The following CPNE2 variants were observed in gnomAD, a reference collection of about 807,000 sequenced individuals.
CPNE2 encodes the protein copine-2.
In CPNE2, 42 loss-of-function variants were observed where a neutral mutation model predicts 69.7. The observed-to-expected ratio is 0.60, with a 90% CI of 0.47 to 0.78. The LOEUF (loss-of-function observed/expected upper bound fraction) is 0.78, where lower values mean the gene tolerates loss of function less well. Among genes scored for constraint, CPNE2 ranks in the 30% least tolerant of loss-of-function variants. The probability of loss-of-function intolerance (pLI) is 0.00; values close to 1 mark genes in which losing one functional copy is unlikely to be tolerated. For missense variants in CPNE2, 587 were observed against 732.0 expected, an observed-to-expected ratio of 0.80 and a Z score of 2.29; for synonymous variants, 294 against 289.8, an observed-to-expected ratio of 1.01 and a Z score of -0.15.
Position 57,123,277 on chromosome 16 carries a change from G to C in CPNE2, c.868-137G>C, listed in dbSNP as rs1276889903. 8 of 833,078 alleles carry C rather than the reference G, an allele frequency of 9.6e-6. No individual in the cohort carries two copies. In the African/African-American group the frequency reaches 1.3e-4, roughly 14 times the overall value. 51.6% of individuals were successfully genotyped at this position (833,078 alleles called of 1,614,324 possible). On this transcript the variant is annotated intron_variant, in intron 9 of 15. Coordinates refer to ENST00000290776, the MANE Select transcript of CPNE2 (RefSeq NM_152727.6). ...TTTGTTATAGAGAGATTTGGGTTTT[G>C]TTGTAATTAGATCAGGCCCATCAGC...
At chr16:57,127,323 G>C (rs1209429431) in intron 11 of CPNE2, among the ~76,000 whole-genome samples, 1 of 152,220 alleles carries the variant, frequency 6.6e-6, no homozygotes, top group Non-Finnish European at 1.5e-5. Context: ...GGTACCCTAT[G>C]TGTTTGGGGA....
intron 1 of CPNE2, among the ~76,000 whole-genome samples, chr16:57,103,924 G>C (rs1431203897): frequency 6.6e-6 from 1 of 152,072 alleles, no homozygotes; most frequent in African/African-American, 2.4e-5. Context: ...GTTGTTTTTT[G>C]TTTTTGTTTT....
In CPNE2 at chr16:57,110,901, G is replaced by C. The variant is rs77751419; in HGVS notation, c.159G>C (p.Glu53Asp). The C allele has an allele frequency of 1.5e-3, 2,403 of 1,611,874 alleles. 36 individuals are homozygous for C. In the African/African-American group the frequency reaches 0.028, roughly 19 times the overall value. Residue 53 changes from glutamate (E) to aspartate (D), a missense_variant, in exon 2 of 16, where the codon GAG (glutamate) becomes GAC (aspartate). Glu to Asp is a conservative substitution (Grantham distance 45). Coordinates refer to ENST00000290776, the MANE Select transcript of CPNE2 (RefSeq NM_152727.6). Reference protein sequence around the residue: ...KSDPFCVLFTENNGRWIEYDR... With the variant: ...KSDPFCVLFTDNNGRWIEYDR... ...ACCCCTTCTGTGTCCTCTTTACAGA[G>C]AACAATGGCAGATGGATCGAGGTGA...
At chr16:57,131,127 C>G (rs2069835697) in intron 12 of CPNE2, among the ~76,000 whole-genome samples, 5 of 152,206 alleles carry the variant, frequency 3.3e-5, no homozygotes, top group African/African-American at 1.2e-4. Flanking sequence ...TTGCCCAAGG[C>G]CATGTTCACC....
At position 57,092,658 on chromosome 16, in the gene CPNE2, G is replaced by A. The variant is rs1306859623; in HGVS notation, c.-168G>A. On this transcript the variant is annotated 5_prime_UTR_variant, in exon 1 of 16. Transcript: ENST00000290776. The surrounding 1 kb of genome is among the most constrained non-coding windows in gnomAD (Gnocchi z 5.3). ...GCACGCGAGCGGGCCGTGGCCGCGC[G>A]GGCAGCGCCCTGAGCCTGTCCCGCG... 1 of 148,720 alleles carries A rather than the reference G, an allele frequency of 6.7e-6. No individual in the cohort carries two copies. Among genetic ancestry groups the A allele is most frequent in the African/African-American group, 2.4e-5 (1 of 40,920 alleles). The allele number at this position is 148,720 out of a possible 1,614,324, so 9.2% of individuals were successfully genotyped here. A position where few individuals can be genotyped will look rare whatever the true frequency, so the allele number is the denominator to read the frequency against.
chr16:57,136,003 G>A (rs192168649), intron 13 of CPNE2, among the ~76,000 whole-genome samples: 1 of 135,630 alleles, frequency 7.4e-6, no homozygotes, highest in African/African-American at 2.7e-5. Flanking sequence ...AGGAAGGAAG[G>A]AAAGGAGGAA....
intron 1 of CPNE2, chr16:57,106,130 T>A (rs1262864075): frequency 6.5e-6 from 1 of 152,898 alleles, no homozygotes; most frequent in Non-Finnish European, 1.5e-5. Context: ...ACTCCAGACA[T>A]CATGTGCTCC....
At chr16:57,121,632 AG>A in intron 8 of CPNE2, 41 bp from the exon 9 acceptor site, 1 of 1,590,004 alleles carries the variant, frequency 6.3e-7, no homozygotes, top group Non-Finnish European at 8.6e-7. Context: ...CTGTTTCCAA[AG>A]AAGCCCCGAG....
chr16:57,121,504 G>A (rs1461000439), intron 8 of CPNE2, among the ~76,000 whole-genome samples, 170 bp from the exon 9 acceptor site: 2 of 152,142 alleles, frequency 1.3e-5, no homozygotes, highest in African/African-American at 2.4e-5. Flanking sequence ...GAGGAGGGAG[G>A]CAGATGCTGA....
chr16:57,123,225 C>A, intron 9 of CPNE2, 189 bp from the exon 10 acceptor site: 1 of 623,788 alleles, frequency 1.6e-6, no homozygotes, highest in Non-Finnish European at 2.9e-6. Context: ...GAGTCCCCCA[C>A]CCATTAGGAA....
chr16:57,109,708 A>G (rs1392200929), intron 1 of CPNE2, among the ~76,000 whole-genome samples: 1 of 152,180 alleles, frequency 6.6e-6, no homozygotes, highest in Non-Finnish European at 1.5e-5. Context: ...GAGGACGACC[A>G]GAGGTCACTC....
intron 4 of CPNE2, among the ~76,000 whole-genome samples, chr16:57,115,894 GA>G (rs2069716008): frequency 6.6e-6 from 1 of 152,244 alleles, no homozygotes; most frequent in Non-Finnish European, 1.5e-5. Context: ...CGACTCCCGC[GA>G]TGCGCAGTAA....
intron 1 of CPNE2, among the ~76,000 whole-genome samples, chr16:57,109,490 AAG>A (rs2069667197): frequency 6.6e-6 from 1 of 152,016 alleles, no homozygotes; most frequent in Non-Finnish European, 1.5e-5. Context: ...AAAAAAAAAA[AAG>A]AAAGTAAAGG....
At chr16:57,108,421 C>T (rs1224976373) in intron 1 of CPNE2, among the ~76,000 whole-genome samples, 1 of 150,786 alleles carries the variant, frequency 6.6e-6, no homozygotes, top group Non-Finnish European at 1.5e-5. Context: ...CCCCCACTTA[C>T]TTCCCTCCAC....
intron 14 of CPNE2, chr16:57,143,427 G>C (rs1329008788): frequency 6.6e-6 from 1 of 152,350 alleles, no homozygotes; most frequent in African/African-American, 2.4e-5. Flanking sequence ...TGGCATGCTG[G>C]GTGGGAGGAA....
chr16:57,106,585 C>T (rs1044890582), intron 1 of CPNE2, among the ~76,000 whole-genome samples: 3 of 151,980 alleles, frequency 2.0e-5, no homozygotes, highest in Admixed American at 6.6e-5. Flanking sequence ...TGAATCTGGG[C>T]GTGTGTGCCT....
intron 1 of CPNE2, among the ~76,000 whole-genome samples, chr16:57,096,628 G>T (rs1228079490): frequency 3.3e-5 from 5 of 151,610 alleles, no homozygotes; most frequent in Non-Finnish European, 7.4e-5. Context: ...GAGCCCAGGA[G>T]GTCGAGGCTG....
intron 4 of CPNE2, among the ~76,000 whole-genome samples, chr16:57,116,647 C>T (rs1432101734): frequency 6.6e-6 from 1 of 152,220 alleles, no homozygotes; most frequent in East Asian, 1.9e-4. Context: ...ATCACCCCAG[C>T]ATTTCTGGCA....
intron 1 of CPNE2, among the ~76,000 whole-genome samples, chr16:57,095,170 G>T (rs2069570675): frequency 6.6e-6 from 1 of 152,226 alleles, no homozygotes; most frequent in African/African-American, 2.4e-5. Flanking sequence ...CCCCAACCCT[G>T]CCAGACACGG....
Sources: gnomAD v4.1 joint callset for allele counts (sites outside exome capture counted in the v4.1 genomes callset) on GRCh38, gnomAD v4.1.1 for gene constraint, Gnocchi (gnomAD v3.1) non-coding constraint, MANE v1.5 for transcripts, NCBI Gene and HGNC (gene_info 2026-07-23, HGNC 2026-07-21) for gene names.